The following STK3 variants were observed in gnomAD, a reference collection of about 807,000 sequenced individuals.
STK3 encodes serine/threonine kinase 3.
A neutral mutation model predicts 58.0 loss-of-function variants in STK3; 41 were observed. The ratio of observed to expected loss-of-function variants is 0.71; its 90% confidence interval spans 0.55 to 0.92. The LOEUF is 0.92. STK3 is among the 40% of genes least tolerant of loss of function. The pLI, the probability that STK3 is intolerant of heterozygous loss-of-function variation, is 0.00. For synonymous variants in STK3, 170 were observed against 191.0 expected (o/e 0.89, Z 0.91); for missense variants, 479 against 602.7 (o/e 0.79, Z 2.15).
At chr8:98,900,674 T>C (rs1838623383) in intron 1 of STK3, among the ~76,000 whole-genome samples, 1 of 151,514 alleles carries the variant, frequency 6.6e-6, no homozygotes, top group South Asian at 2.1e-4. Context: ...TCTTTTTTTT[T>C]TTTCTGAGAC....
chr8:98,367,841 C>T (rs531548749), downstream of STK3, among the ~76,000 whole-genome samples: 35 of 152,300 alleles, frequency 2.3e-4, no homozygotes, highest in African/African-American at 7.5e-4. Flanking sequence ...GCCTTTAAGG[C>T]TGGAGGATTA....
intron 2 of STK3, among the ~76,000 whole-genome samples, chr8:98,435,902 C>G (rs756866738): frequency 6.6e-6 from 1 of 152,174 alleles, no homozygotes. Flanking sequence ...ATCTGCCAAC[C>G]TATTTCTCTC....
chr8:98,466,775 G>T (rs559556112), intron 10 of STK3, among the ~76,000 whole-genome samples: 1 of 152,202 alleles, frequency 6.6e-6, no homozygotes, highest in African/African-American at 2.4e-5. Context: ...TTATAGAGGG[G>T]CTGCCCAACA....
At position 98,445,408 on chromosome 8, in the gene STK3, T is replaced by C. The variant is rs539637243; in HGVS notation, n.186-8200A>G. On this transcript the variant is annotated intron_variant and non_coding_transcript_variant, in intron 1 of 3. Transcript: ENST00000517832. Reference sequence around the variant, plus strand: ...TTTTTAAAAGTAAAAGAAAAACAGATGAAATTAATTTTAATAATATATTTC... The same window carrying C: ...TTTTTAAAAGTAAAAGAAAAACAGACGAAATTAATTTTAATAATATATTTC... Among the ~76,000 whole-genome samples the C allele has an allele frequency of 1.1e-4, 16 of 152,256 alleles. No homozygotes were observed. In the East Asian group the frequency reaches 1.9e-3, roughly 18 times the overall value.
intron 1 of STK3, among the ~76,000 whole-genome samples, chr8:98,888,458 C>T (rs1178011762): frequency 6.6e-6 from 1 of 152,162 alleles, no homozygotes; most frequent in Non-Finnish European, 1.5e-5. Context: ...GTAGACAAAC[C>T]TGATTTATAG....
chr8:98,584,292 C>T (rs1365881126), intron 7 of STK3, among the ~76,000 whole-genome samples: 5 of 149,454 alleles, frequency 3.3e-5, no homozygotes, highest in Admixed American at 2.7e-4. Flanking sequence ...TGTTCCCCTT[C>T]CTGTGTCCAT....
At chr8:98,671,702 T>G (rs1202945341) in intron 6 of STK3, among the ~76,000 whole-genome samples, 1 of 152,098 alleles carries the variant, frequency 6.6e-6, no homozygotes, top group Admixed American at 6.5e-5. Flanking sequence ...CCACCTCAGC[T>G]TCCAGAGTAG....
chr8:98,756,177 G>T (rs1032931131), intron 3 of STK3, among the ~76,000 whole-genome samples: 8 of 151,416 alleles, frequency 5.3e-5, no homozygotes, highest in Admixed American at 4.0e-4. Flanking sequence ...AAAAAATAAA[G>T]AAAGAAAGAA....
intron 4 of STK3, among the ~76,000 whole-genome samples, chr8:98,720,288 T>C (rs1221816996): frequency 2.0e-5 from 3 of 152,220 alleles, no homozygotes; most frequent in Non-Finnish European, 4.4e-5. Context: ...GAAACACTTA[T>C]TATTATTCCT....
intron 9 of STK3, 24 bp from the exon 10 acceptor site, chr8:98,526,941 G>T: frequency 6.7e-7 from 1 of 1,498,240 alleles, no homozygotes; most frequent in Non-Finnish European, 9.0e-7. Flanking sequence ...AGAACATAAG[G>T]AAGGTATAAG....
rs997138652 is a variant in STK3, at chr8:98,770,840, C to G, written c.108-3469G>C. On this transcript the variant is annotated intron_variant, in intron 2 of 10. Coordinates refer to ENST00000419617, the MANE Select transcript of STK3 (RefSeq NM_006281.4). The stretch of plus-strand genomic sequence containing the variant: ...CTATTCACCTGAGACAAAGTGGGAA[C>G]AGTTACCATAATGAGTAACAAAGCA... Among the ~76,000 whole-genome samples, 10 of 152,260 alleles carry G rather than the reference C, an allele frequency of 6.6e-5. 1 individual carries two copies. The highest frequency in any genetic ancestry group is 2.2e-4 in the African/African-American group (9 of 41,562).
At chr8:98,594,348 C>A (rs1213891425) in intron 7 of STK3, among the ~76,000 whole-genome samples, 1 of 151,902 alleles carries the variant, frequency 6.6e-6, no homozygotes, top group Non-Finnish European at 1.5e-5. Flanking sequence ...GTCTGTAATC[C>A]CAGCACTTTG....
intron 10 of STK3, among the ~76,000 whole-genome samples, chr8:98,470,399 A>C (rs570627622): frequency 1.3e-5 from 2 of 152,286 alleles, no homozygotes; most frequent in South Asian, 4.1e-4. Context: ...GATCTCTTCT[A>C]ATTACCCCAG....
downstream of STK3, among the ~76,000 whole-genome samples, chr8:98,450,102 A>G (rs1339374363): frequency 2.6e-5 from 4 of 152,208 alleles, no homozygotes; most frequent in Non-Finnish European, 5.9e-5. Flanking sequence ...ACTAAGATAT[A>G]CAACTTTCTT....
At chr8:98,451,885 CAA>C (rs754984734), downstream of STK3, among the ~76,000 whole-genome samples, 2 of 74,408 alleles carry the variant, frequency 2.7e-5, no homozygotes, top group Non-Finnish European at 2.7e-5. Context: ...TCTTTCAGGC[CAA>C]AAAAAAAAAA....
intron 6 of STK3, among the ~76,000 whole-genome samples, chr8:98,668,257 T>C (rs4735570): frequency 0.28 from 43,313 of 152,128 alleles, 6,493 homozygotes; most frequent in East Asian, 0.43. Context: ...CTCTTTGTAT[T>C]AGTTTTGACA....
chr8:98,861,423 C>G (rs1309912348), intron 3 of STK3, among the ~76,000 whole-genome samples: 4 of 141,838 alleles, frequency 2.8e-5, no homozygotes, highest in Non-Finnish European at 6.0e-5. Context: ...TCTCGGCTCA[C>G]TGCAATCTCC....
intron 1 of STK3, among the ~76,000 whole-genome samples, chr8:98,784,236 C>T (rs1832308708): frequency 6.6e-6 from 1 of 152,186 alleles, no homozygotes; most frequent in South Asian, 2.1e-4. Context: ...TCTTTGGCAA[C>T]CCAGTAGCAT....
In STK3 at chr8:98,597,334, C is replaced by T. The variant is rs999648701; in HGVS notation, c.685-1165G>A. ...TGTTGATTATAGGTTAAGAGTCAAT[C>T]TTTTTACCAGTATATGCATCTTCTT... On this transcript the variant is annotated intron_variant, in intron 6 of 10. Coordinates refer to ENST00000419617, the MANE Select transcript of STK3 (RefSeq NM_006281.4). The T allele has an allele frequency of 2.3e-5, 23 of 985,246 alleles. No individual in the cohort carries two copies. In the African/African-American group the frequency reaches 4.0e-4, roughly 17 times the overall value. 61.0% of individuals were successfully genotyped at this position (985,246 alleles called of 1,614,324 possible). A position where few individuals can be genotyped will look rare whatever the true frequency, so the allele number is the denominator to read the frequency against.
Sources: gnomAD v4.1 joint callset for allele counts (sites outside exome capture counted in the v4.1 genomes callset) on GRCh38, gnomAD v4.1.1 for gene constraint, MANE v1.5 for transcripts, NCBI Gene and HGNC (gene_info 2026-07-23, HGNC 2026-07-21) for gene names.